Variants in CSMD3 observed in about 807,000 individuals in gnomAD.
CSMD3 encodes the protein CUB and Sushi multiple domains 3, also known as CUB and sushi domain-containing protein 3.
A neutral mutation model predicts 435.2 loss-of-function variants in CSMD3; 177 were observed. The ratio of observed to expected loss-of-function variants is 0.41; its 90% confidence interval spans 0.36 to 0.46. CSMD3 has a LOEUF of 0.46. Ranked by LOEUF, CSMD3 falls within the 20% of genes least tolerant of loss-of-function variation. The probability of loss-of-function intolerance (pLI) is 0.34; values close to 1 mark genes in which losing one functional copy is unlikely to be tolerated. For synonymous variants in CSMD3, 1,656 were observed against 1,520.5 expected (o/e 1.09, Z -2.07); for missense variants, 4,265 against 4,504.6 (o/e 0.95, Z 1.52).
chr8:113,302,344 T>A (rs1238540317), intron 2 of CSMD3, among the ~76,000 whole-genome samples: 1 of 133,810 alleles, frequency 7.5e-6, no homozygotes, highest in Non-Finnish European at 1.6e-5. Context: ...TAATAAAAAA[T>A]ATTAGGAAGA....
chr8:112,509,069 G>T (rs1027421107), intron 28 of CSMD3, among the ~76,000 whole-genome samples: 2 of 151,388 alleles, frequency 1.3e-5, no homozygotes, highest in African/African-American at 2.4e-5. Flanking sequence ...ATTACTTAGA[G>T]AGTCTAGATT....
At chr8:113,380,909 A>G (rs2094412286) in intron 1 of CSMD3, among the ~76,000 whole-genome samples, 1 of 152,118 alleles carries the variant, frequency 6.6e-6, no homozygotes, top group South Asian at 2.1e-4. Context: ...ACCAAAAGAA[A>G]AAAAAATGAA....
At chr8:113,182,951 G>A (rs530256775) in intron 3 of CSMD3, among the ~76,000 whole-genome samples, 10 of 152,104 alleles carry the variant, frequency 6.6e-5, no homozygotes, top group African/African-American at 2.2e-4. Flanking sequence ...AGACCTGGTG[G>A]AGCAGAAAAC....
At chr8:112,834,417 G>A (rs2079964852) in intron 11 of CSMD3, among the ~76,000 whole-genome samples, 1 of 151,614 alleles carries the variant, frequency 6.6e-6, no homozygotes, top group African/African-American at 2.4e-5. Flanking sequence ...ATAAAAATTA[G>A]CTTTGCCTTA....
intron 27 of CSMD3, among the ~76,000 whole-genome samples, chr8:112,529,994 C>A (rs890167194): frequency 7.9e-5 from 12 of 151,842 alleles, no homozygotes; most frequent in South Asian, 2.1e-4. Flanking sequence ...AGAAATCATG[C>A]GGCTGAAGAA....
chr8:112,976,214 A>C, intron 6 of CSMD3, 66 bp from the exon 7 acceptor site: 1 of 1,537,684 alleles, frequency 6.5e-7, no homozygotes, highest in East Asian at 2.3e-5. Flanking sequence ...TTTTCTGATA[A>C]ATTTAATCAA....
intron 3 of CSMD3, among the ~76,000 whole-genome samples, chr8:113,189,095 G>A (rs1265830034): frequency 6.6e-6 from 1 of 151,666 alleles, no homozygotes; most frequent in Admixed American, 6.6e-5. Context: ...GTTTCCCAAC[G>A]AAGCAGTTAC....
chr8:112,786,136 T>A (rs1411332563), intron 13 of CSMD3, among the ~76,000 whole-genome samples: 1 of 151,996 alleles, frequency 6.6e-6, no homozygotes, highest in Non-Finnish European at 1.5e-5. Context: ...ACATTTGCAA[T>A]GAACTCATTT....
chr8:112,360,800 G>T (rs1827120338), intron 38 of CSMD3, among the ~76,000 whole-genome samples: 2 of 151,920 alleles, frequency 1.3e-5, no homozygotes, highest in East Asian at 3.9e-4. Flanking sequence ...ATCAGCAACT[G>T]ATTTGTGTTA....
chr8:112,302,768 T>C (rs911965933), intron 52 of CSMD3, among the ~76,000 whole-genome samples: 4 of 151,802 alleles, frequency 2.6e-5, no homozygotes, highest in East Asian at 1.9e-4. Context: ...CTTGCAAGAG[T>C]TGCATATCAA....
chr8:112,506,411 T>A (rs12679846), intron 29 of CSMD3, among the ~76,000 whole-genome samples: 25,062 of 152,032 alleles, frequency 0.16, 2,571 homozygotes, highest in Middle Eastern at 0.32. Flanking sequence ...GAGTTGCTAT[T>A]ACCTAACACT....
intron 22 of CSMD3, among the ~76,000 whole-genome samples, chr8:112,601,304 G>A (rs1324517697): frequency 6.6e-6 from 1 of 152,026 alleles, no homozygotes; most frequent in Non-Finnish European, 1.5e-5. Context: ...GTAACCCTGT[G>A]TTTTGGAGGA....
chr8:112,481,781 C>T (rs1310273174), intron 31 of CSMD3, among the ~76,000 whole-genome samples: 2 of 152,056 alleles, frequency 1.3e-5, no homozygotes, highest in African/African-American at 4.8e-5. Context: ...CTACTATTAC[C>T]AGTATTGACT....
intron 6 of CSMD3, among the ~76,000 whole-genome samples, chr8:113,016,295 G>A (rs1445503651): frequency 6.6e-6 from 1 of 151,726 alleles, no homozygotes; most frequent in Non-Finnish European, 1.5e-5. Context: ...TTTTTAGCAT[G>A]CTATTCTCAG....
intron 13 of CSMD3, among the ~76,000 whole-genome samples, chr8:112,749,414 C>T (rs1397051647): frequency 6.6e-6 from 1 of 151,972 alleles, no homozygotes; most frequent in Non-Finnish European, 1.5e-5. Flanking sequence ...AAACGTTTTC[C>T]CGTTCCTATG....
At chr8:113,134,861 C>T (rs1357950124) in intron 4 of CSMD3, among the ~76,000 whole-genome samples, 2 of 151,910 alleles carry the variant, frequency 1.3e-5, no homozygotes, top group African/African-American at 2.4e-5. Context: ...TCAGCTTCCA[C>T]TGAAGGCCCC....
intron 3 of CSMD3, among the ~76,000 whole-genome samples, chr8:113,244,649 C>T (rs1222605985): frequency 6.6e-6 from 1 of 152,014 alleles, no homozygotes; most frequent in Non-Finnish European, 1.5e-5. Context: ...AGTAATCAAA[C>T]TTCATTCTTT....
intron 54 of CSMD3, among the ~76,000 whole-genome samples, chr8:112,294,636 T>C (rs73700899): frequency 0.03 from 4,506 of 152,054 alleles, 229 homozygotes; most frequent in African/African-American, 0.1. Flanking sequence ...ATCCACAACA[T>C]ACATATAGGA....
chr8:113,030,291 T>C (rs2087039039), intron 5 of CSMD3, among the ~76,000 whole-genome samples: 1 of 150,266 alleles, frequency 6.7e-6, no homozygotes, highest in South Asian at 2.1e-4. Flanking sequence ...AAAATTCATA[T>C]GGAAGCAAAA....
Sources: allele counts gnomAD v4.1 joint callset (sites outside exome capture counted in the v4.1 genomes callset), GRCh38; gene constraint gnomAD v4.1.1; transcripts MANE v1.5; gene names NCBI Gene and HGNC (gene_info 2026-07-23, HGNC 2026-07-21).